PCDHGA11: variants seen among roughly 807,000 people sequenced by gnomAD.
PCDHGA11 encodes the protein protocadherin gamma-A11.
Under a neutral mutation model 60.4 loss-of-function variants are expected in PCDHGA11, and 39 were observed. The ratio of observed to expected loss-of-function variants is 0.65; its 90% CI spans 0.50 to 0.84. PCDHGA11 has a LOEUF of 0.84. Among genes scored for constraint, PCDHGA11 ranks in the 40% least tolerant of loss-of-function variants. The pLI, the probability that PCDHGA11 is intolerant of heterozygous loss-of-function variation, is 0.00. For missense variants in PCDHGA11, 1,165 were observed against 1,197.7 expected (o/e 0.97, Z 0.40); for synonymous variants, 533 against 510.3 (o/e 1.04, Z -0.60).
chr5:141,423,357 C>G lies in PCDHGA11; in HGVS notation c.2130C>G (p.Ile710Met). ...CCTGCATCTTCCTGGTCTTTGTCATCGTGCTGCTGGCACTCAGGCTGTGGC... is the reference window on the plus strand; with the variant it reads ...CCTGCATCTTCCTGGTCTTTGTCATGGTGCTGCTGGCACTCAGGCTGTGGC... ...AVSCIFLVFV[I>M]VLLALRLWRW... Residue 710 changes from isoleucine (I) to methionine (M), a missense_variant, in exon 1 of 4, where the codon ATC (isoleucine) becomes ATG (methionine). Ile to Met is a conservative substitution (Grantham distance 10). Transcript: ENST00000398587. 1 of 1,614,214 alleles carries G rather than the reference C, an allele frequency of 6.2e-7. No individual in the cohort carries two copies.
At chr5:141,510,404 G>T (rs1596286932) in intron 3 of PCDHGA11, among the ~76,000 whole-genome samples, 2 of 152,252 alleles carry the variant, frequency 1.3e-5, no homozygotes, top group East Asian at 3.9e-4. Context: ...AAAGGCTAGG[G>T]GCATGTAAAG....
Position 141,486,006 on chromosome 5 carries a change from C to G in PCDHGA11, c.2434-8801C>G, listed in dbSNP as rs1394484191. The G allele has an allele frequency of 1.9e-6, 3 of 1,614,190 alleles. No individual in the cohort carries two copies. The highest frequency in any genetic ancestry group is 1.1e-5 in the South Asian group (1 of 91,084). On this transcript the variant is annotated intron_variant, in intron 1 of 3. Transcript: ENST00000398587. The surrounding 1 kb of genome is among the most constrained non-coding windows in gnomAD (Gnocchi z 5.0). Reference sequence around the variant, plus strand: ...GACCTGGGTCCCAGTGGTAACGTCACCTTTTATTTCAGTGGTCATACCCCT... The same window carrying G: ...GACCTGGGTCCCAGTGGTAACGTCAGCTTTTATTTCAGTGGTCATACCCCT...
chr5:141,432,746 G>T lies in PCDHGA11; in HGVS notation c.2433+9086G>T, dbSNP rs772043134. The T allele has an allele frequency of 6.2e-7, 1 of 1,614,098 alleles. No individual in the cohort carries two copies. Among genetic ancestry groups the T allele is most frequent in the Non-Finnish European group, 8.5e-7 (1 of 1,179,992 alleles). Reference sequence around the variant, plus strand: ...CTCCGCCACTGTCACGCTCACCGTGGCCGTGGCCGACAGCATCCCCCAAGT... The same window carrying T: ...CTCCGCCACTGTCACGCTCACCGTGTCCGTGGCCGACAGCATCCCCCAAGT... On this transcript the variant is annotated intron_variant, in intron 1 of 3. Transcript: ENST00000398587. This position sits in a 1 kb window ranked among gnomAD's most constrained non-coding sequence, Gnocchi z 6.0.
At chr5:141,433,646 A>G (rs2097639113) in intron 1 of PCDHGA11, among the ~76,000 whole-genome samples, 1 of 152,012 alleles carries the variant, frequency 6.6e-6, no homozygotes, top group Non-Finnish European at 1.5e-5. Flanking sequence ...GACCAGCCTG[A>G]CCAACATGGA....
Position 141,489,492 on chromosome 5 carries a change from G to C in PCDHGA11, c.2434-5315G>C. On this transcript the variant is annotated intron_variant, in intron 1 of 3. Coordinates refer to ENST00000398587, the MANE Select transcript of PCDHGA11 (RefSeq NM_018914.3). This position sits in a 1 kb window ranked among gnomAD's most constrained non-coding sequence, Gnocchi z 4.5. The stretch of plus-strand genomic sequence containing the variant: ...CCCTGAGCTTGATGAGTGGTGCCCT[G>C]GCAGTGAATCAAAAGATTGACCGAG... The C allele has an allele frequency of 6.2e-7, 1 of 1,614,042 alleles. No homozygotes were observed. The highest frequency in any genetic ancestry group is 8.5e-7 in the Non-Finnish European group (1 of 1,180,034).
chr5:141,476,743 T>A lies in PCDHGA11; in HGVS notation c.2434-18064T>A. On this transcript the variant is annotated intron_variant, in intron 1 of 3. Coordinates refer to ENST00000398587, the MANE Select transcript of PCDHGA11 (RefSeq NM_018914.3). The surrounding 1 kb of genome is among the most constrained non-coding windows in gnomAD (Gnocchi z 7.6). ...CCCTGGACCGAGAACGGGAGCCTAG[T>A]CTCCAGTTAGTGCTGACGGCGTTGG... is the stretch of plus-strand genomic sequence containing the variant. The A allele has an allele frequency of 6.2e-7, 1 of 1,613,932 alleles. No individual in the cohort carries two copies. The highest frequency in any genetic ancestry group is 1.1e-5 in the South Asian group (1 of 91,064).
At chr5:141,484,317 T>C (rs939085863) in intron 1 of PCDHGA11, among the ~76,000 whole-genome samples, 1 of 152,220 alleles carries the variant, frequency 6.6e-6, no homozygotes, top group Non-Finnish European at 1.5e-5. Context: ...CCCGCTTCCA[T>C]ACTGTCCTTG....
chr5:141,492,616 G>A (rs976681246), intron 1 of PCDHGA11, among the ~76,000 whole-genome samples: 1 of 152,252 alleles, frequency 6.6e-6, no homozygotes. Flanking sequence ...CTAAGTGCCG[G>A]GCGGGCAGGA....
In PCDHGA11 at chr5:141,494,748, C is replaced by T. The variant is rs566281527; in HGVS notation, c.2434-59C>T. On this transcript the variant is annotated intron_variant, in intron 1 of 3. Coordinates refer to ENST00000398587, the MANE Select transcript of PCDHGA11 (RefSeq NM_018914.3). ...CTCTCCCGGCCCATCCCTAGGGGCTCGGGTGACATTCTAACTTCTCACGGG... is the reference window on the plus strand; with the variant it reads ...CTCTCCCGGCCCATCCCTAGGGGCTTGGGTGACATTCTAACTTCTCACGGG... 1.4e-5 allele frequency: 22 copies of T among 1,613,104 alleles called. No individual in the cohort carries two copies. The East Asian group carries it at 4.2e-4, about 31-fold the overall frequency.
chr5:141,499,414 T>C (rs543824206), intron 2 of PCDHGA11, among the ~76,000 whole-genome samples: 1 of 151,804 alleles, frequency 6.6e-6, no homozygotes, highest in Non-Finnish European at 1.5e-5. Context: ...TATAGAAACA[T>C]GAAAAATAGA....
intron 3 of PCDHGA11, chr5:141,508,363 A>G (rs996562348): frequency 1.3e-5 from 2 of 152,230 alleles, no homozygotes; most frequent in Non-Finnish European, 2.9e-5. Flanking sequence ...TGGCAATCCA[A>G]CTTCTTCCCC....
At chr5:141,492,241 C>G (rs1351937353) in intron 1 of PCDHGA11, among the ~76,000 whole-genome samples, 2 of 152,186 alleles carry the variant, frequency 1.3e-5, no homozygotes, top group East Asian at 3.9e-4. Context: ...TGCTGGCCAC[C>G]CCCACGGCCC....
chr5:141,469,573 CTAAA>C (rs1209972534), intron 1 of PCDHGA11, among the ~76,000 whole-genome samples: 2 of 151,554 alleles, frequency 1.3e-5, no homozygotes, highest in Non-Finnish European at 2.9e-5. Flanking sequence ...GACTCTGTCT[CTAAA>C]TAAATAAATA....
At chr5:141,475,895 C>A (rs2099379056) in intron 1 of PCDHGA11, 1 of 568,558 alleles carries the variant, frequency 1.8e-6, no homozygotes, top group African/African-American at 1.9e-5. Context: ...ACTCTGTGTG[C>A]CGCTGTCGGC....
At chr5:141,424,956 T>A (rs1435882776) in intron 1 of PCDHGA11, among the ~76,000 whole-genome samples, 1 of 152,176 alleles carries the variant, frequency 6.6e-6, no homozygotes, top group African/African-American at 2.4e-5. Context: ...TTCTAGGTAT[T>A]TGCCCCAAAT....
In PCDHGA11 at chr5:141,510,989, C is replaced by A. The variant is rs2099883548; in HGVS notation, c.2624C>A (p.Thr875Asn). The A allele has an allele frequency of 1.2e-6, 2 of 1,614,198 alleles. No homozygotes were observed. The highest frequency in any genetic ancestry group is 1.7e-6 in the Non-Finnish European group (2 of 1,180,022). ...TCCACCCTGGGAGGGGGTGCCGGCA[C>A]CATGGGATTGAGCGCCCGCTACGGA... is the stretch of plus-strand genomic sequence containing the variant. ...GSSTLGGGAG[T>N]MGLSARYGPQ... Residue 875 changes from threonine to asparagine, a missense_variant, in exon 4 of 4, where the codon ACC becomes AAC. Thr to Asn is a moderately conservative substitution (Grantham distance 65, BLOSUM62 0). Transcript: ENST00000398587.
chr5:141,422,314 C>T lies in PCDHGA11; in HGVS notation c.1087C>T (p.Pro363Ser). The T allele has an allele frequency of 6.5e-7, 1 of 1,547,838 alleles. No homozygotes were observed. The highest frequency in any genetic ancestry group is 8.7e-7 in the Non-Finnish European group (1 of 1,154,074). The change falls in exon 1 of 4, where the codon CCA becomes TCA. Residue 363 changes from proline to serine, a missense_variant. Physicochemically the swap from Pro to Ser is moderately conservative, Grantham distance 74. Transcript: ENST00000398587. Reference protein sequence around the residue: ...SINSILENSPPGTVIALLNVQ... With the variant: ...SINSILENSPSGTVIALLNVQ... ...TAATTCAATTCTGGAAAACTCTCCT[C>T]CAGGTACAGTGATTGCTCTTCTAAA...
In PCDHGA11 at chr5:141,432,847, G is replaced by A. The variant is rs768265171; in HGVS notation, c.2433+9187G>A. On this transcript the variant is annotated intron_variant, in intron 1 of 3. Transcript: ENST00000398587. The surrounding 1 kb of genome is among the most constrained non-coding windows in gnomAD (Gnocchi z 6.0). Reference sequence around the variant, plus strand: ...ACCTCACTCTGTACCTGGTGGTAGCGGTGGCCGCGGTCTCCTGCGTCTTCC... The same window carrying A: ...ACCTCACTCTGTACCTGGTGGTAGCAGTGGCCGCGGTCTCCTGCGTCTTCC... 5.0e-6 allele frequency: 8 copies of A among 1,614,180 alleles called. No homozygotes were observed. The highest frequency in any genetic ancestry group is 6.8e-6 in the Non-Finnish European group (8 of 1,179,994).
At chr5:141,494,514 G>T (rs1457018569) in intron 1 of PCDHGA11, among the ~76,000 whole-genome samples, 2 of 152,160 alleles carry the variant, frequency 1.3e-5, no homozygotes, top group South Asian at 2.1e-4. Context: ...TTTTGGCTCA[G>T]GAGTTCTGAC....
Sources: gnomAD v4.1 joint callset for allele counts (sites outside exome capture counted in the v4.1 genomes callset) on GRCh38, gnomAD v4.1.1 for gene constraint, Gnocchi (gnomAD v3.1) non-coding constraint, MANE v1.5 for transcripts, NCBI Gene and HGNC (gene_info 2026-07-23, HGNC 2026-07-21) for gene names.